Variants in SPI1 observed in about 807,000 individuals in gnomAD.
SPI1 encodes the protein Spi-1 proto-oncogene.
Under a neutral mutation model 30.7 loss-of-function variants are expected in SPI1, and 3 were observed. The ratio of observed to expected loss-of-function variants is 0.10; its 90% confidence interval spans 0.04 to 0.25. The LOEUF (loss-of-function observed/expected upper bound fraction) is 0.25. Among genes scored for constraint, SPI1 ranks in the 10% least tolerant of loss-of-function variants. The pLI, the probability that SPI1 is intolerant of heterozygous loss-of-function variation, is 1.00. For synonymous variants in SPI1, 169 were observed against 157.1 expected (o/e 1.08, Z -0.56); for missense variants, 261 against 371.5 (o/e 0.70, Z 2.45).
chr11:47,369,441 C>G (rs890869169), intron 2 of SPI1, among the ~76,000 whole-genome samples: 2 of 151,544 alleles, frequency 1.3e-5, no homozygotes, highest in Non-Finnish European at 2.9e-5. Flanking sequence ...CTATTCTTGC[C>G]TCTTTTCCAT....
At chr11:47,371,499 T>A (rs560295127) in intron 2 of SPI1, among the ~76,000 whole-genome samples, 1 of 143,906 alleles carries the variant, frequency 6.9e-6, no homozygotes, top group Admixed American at 7.0e-5. Flanking sequence ...AAACCCCATC[T>A]CTACTAAAAA....
Position 47,375,609 on chromosome 11 carries a change from G to A in SPI1, c.142+24C>T, listed in dbSNP as rs149244266. On this transcript the variant is annotated intron_variant, in intron 2 of 4. Transcript: ENST00000378538. This position sits in a 1 kb window ranked among gnomAD's most constrained non-coding sequence, Gnocchi z 4.2. ...GAGCCCAGGCTGGGCTGGGGGATGG[G>A]GGCGTGGCAGGCCCCGTACTCACCG... The A allele has an allele frequency of 1.8e-3, 2,810 of 1,578,854 alleles. 2 individuals carry two copies. Among genetic ancestry groups the A allele is most frequent in the Middle Eastern group, 4.2e-3 (25 of 6,000 alleles).
intron 2 of SPI1, among the ~76,000 whole-genome samples, chr11:47,363,296 G>A (rs966241899): frequency 1.3e-5 from 2 of 152,128 alleles, no homozygotes; most frequent in Non-Finnish European, 2.9e-5. Context: ...CAAGGCGAGC[G>A]AATCACCTGA....
chr11:47,358,891 T>G lies in SPI1; in HGVS notation c.446A>C (p.Glu149Ala). 6.4e-7 allele frequency: 1 copy of G among 1,559,628 alleles called. No individual in the cohort carries two copies. Among genetic ancestry groups the G allele is most frequent in the Non-Finnish European group, 8.7e-7 (1 of 1,151,556 alleles). Residue 149 changes from glutamate (E) to alanine (A), a missense_variant, in exon 4 of 5, where the codon GAG (glutamate) becomes GCG (alanine). Coordinates refer to ENST00000378538, the MANE Select transcript of SPI1 (RefSeq NM_003120.3). ...QSPPLEVSDG[E>A]ADGLEPGPGL... is the part of the protein sequence containing the mutation. ...AGGCCCGGGCTCCAGGCCATCCGCC[T>G]CGCCGTCAGACACCTCCAGTGGGGG...
chr11:47,375,206 G>A lies in SPI1; in HGVS notation c.142+427C>T, dbSNP rs1256774693. The stretch of plus-strand genomic sequence containing the variant: ...CAGGAAGTGCGGATGTGCCGGCGGG[G>A]AGTTTGGGACAGAGAGTGACGAGAA... On this transcript the variant is annotated intron_variant, in intron 2 of 4. Transcript: ENST00000378538. This position sits in a 1 kb window ranked among gnomAD's most constrained non-coding sequence, Gnocchi z 4.2. Among the ~76,000 whole-genome samples, 3 of 152,234 alleles carry A rather than the reference G, an allele frequency of 2.0e-5. No homozygotes were observed. Among genetic ancestry groups the A allele is most frequent in the Non-Finnish European group, 4.4e-5 (3 of 68,046 alleles).
In SPI1 at chr11:47,355,134, C is replaced by T. The variant is rs1485210009; in HGVS notation, c.*93G>A. 3 of 1,054,012 alleles carry T rather than the reference C, an allele frequency of 2.8e-6. No homozygotes were observed. Among genetic ancestry groups the T allele is most frequent in the Admixed American group, 4.5e-5 (1 of 22,434 alleles). 65.3% of individuals were successfully genotyped at this position (1,054,012 alleles called of 1,614,324 possible). A position where few individuals can be genotyped will look rare whatever the true frequency, so the allele number is the denominator to read the frequency against. On this transcript the variant is annotated 3_prime_UTR_variant, in exon 5 of 5. Transcript: ENST00000378538. ...GGCCCGCCACAGTCCTGCCTCTGGG[C>T]CCCGGGAGCGTCCTCCCTGTGTCCG... is the stretch of plus-strand genomic sequence containing the variant.
intron 2 of SPI1, among the ~76,000 whole-genome samples, chr11:47,363,276 T>A (rs956503179): frequency 1.9e-4 from 29 of 152,188 alleles, no homozygotes; most frequent in Admixed American, 1.6e-3. Flanking sequence ...ATCCCAGCAC[T>A]TTGGGAGGCC....
rs1436388591 is a variant in SPI1 at position 47,355,251 on chromosome 11, G to A, written c.789C>T (p.Ala263=). 2.7e-6 allele frequency: 4 copies of A among 1,462,164 alleles called. No individual in the cohort carries two copies. The highest frequency in any genetic ancestry group is 2.9e-5 in the African/African-American group (2 of 68,808). 90.6% of individuals were successfully genotyped at this position (1,462,164 alleles called of 1,614,324 possible). A position where few individuals can be genotyped will look rare whatever the true frequency, so the allele number is the denominator to read the frequency against. Residue 263 remains alanine (A), a synonymous_variant, in exon 5 of 5, where the codon GCC becomes GCT. Transcript: ENST00000378538. ...CTCAGTGGGGCGGGTGGCGCCGCTCGGCCAGGCCCCCGCGGCCCAGCACTT... is the reference window on the plus strand; with the variant it reads ...CTCAGTGGGGCGGGTGGCGCCGCTCAGCCAGGCCCCCGCGGCCCAGCACTT... ...SGEVLGRGGL[A]ERRHPPH
Position 47,378,360 on chromosome 11 carries a change from G to A in SPI1, c.-7C>T, listed in dbSNP as rs1252185688. 3.7e-6 allele frequency: 6 copies of A among 1,612,292 alleles called. No homozygotes were observed. The South Asian group carries it at 4.4e-5, about 12-fold the overall frequency. On this transcript the variant is annotated 5_prime_UTR_variant, in exon 1 of 5. Coordinates refer to ENST00000378538, the MANE Select transcript of SPI1 (RefSeq NM_003120.3). ...TTTTGCACGCCTGTAACATCCAGCC[G>A]GGCTCCGAGTCGGTCAGATCCCCTG...
Position 47,359,769 on chromosome 11 carries a change from C to T in SPI1, c.330+84G>A, listed in dbSNP as rs889863613. ...GGCAGGAAGCTGAGTTGGGTAAGAG[C>T]CTGTGTCAGCTTCCTGTGAAGCTCC... On this transcript the variant is annotated intron_variant, in intron 3 of 4. Coordinates refer to ENST00000378538, the MANE Select transcript of SPI1 (RefSeq NM_003120.3). This position sits in a 1 kb window ranked among gnomAD's most constrained non-coding sequence, Gnocchi z 5.1. 12 of 1,479,014 alleles carry T rather than the reference C, an allele frequency of 8.1e-6. No individual in the cohort carries two copies. In the African/African-American group the frequency reaches 1.7e-4, roughly 20 times the overall value. 91.6% of individuals were successfully genotyped at this position (1,479,014 alleles called of 1,614,324 possible). A position where few individuals can be genotyped will look rare whatever the true frequency, so the allele number is the denominator to read the frequency against.
At chr11:47,362,570 CTTTTTT>C (rs377422572) in intron 2 of SPI1, among the ~76,000 whole-genome samples, 12,604 of 107,990 alleles carry the variant, frequency 0.12, 680 homozygotes, top group Non-Finnish European at 0.14. Context: ...GACCCTGTCT[CTTTTTT>C]TTTTTTTTTT....
chr11:47,356,230 T>C (rs2095908910), intron 4 of SPI1, among the ~76,000 whole-genome samples: 1 of 144,760 alleles, frequency 6.9e-6, no homozygotes, highest in Non-Finnish European at 1.5e-5. Flanking sequence ...CACACACTCA[T>C]TCACTAACAT....
At chr11:47,368,616 A>G (rs1023637761) in intron 2 of SPI1, among the ~76,000 whole-genome samples, 1 of 152,256 alleles carries the variant, frequency 6.6e-6, no homozygotes, top group African/African-American at 2.4e-5. Context: ...CACGTGCTAC[A>G]CCATGGGTAA....
chr11:47,358,730 C>G, intron 4 of SPI1, 114 bp downstream of exon 4: 1 of 1,064,834 alleles, frequency 9.4e-7, no homozygotes. Context: ...AACATGCACA[C>G]ACACACACAC....
intron 1 of SPI1, among the ~76,000 whole-genome samples, chr11:47,376,792 G>A (rs577542571): frequency 8.5e-4 from 129 of 152,276 alleles, no homozygotes; most frequent in African/African-American, 2.8e-3. Context: ...AGTCACTGTG[G>A]CCCTTAGGGC....
In SPI1 at chr11:47,358,058, T is replaced by A. The variant is rs576312136; in HGVS notation, c.493+786A>T. 393 of 167,918 alleles carry A rather than the reference T, an allele frequency of 2.3e-3. 3 individuals carry two copies. The highest frequency in any genetic ancestry group is 5.0e-3 in the Admixed American group (87 of 17,524). 10.4% of individuals were successfully genotyped at this position (167,918 alleles called of 1,614,324 possible). ...TAAAACACATATCCACTCACATACA[T>A]GCACAGACCTGCTCACATATACACA... On this transcript the variant is annotated intron_variant, in intron 4 of 4. Coordinates refer to ENST00000378538, the MANE Select transcript of SPI1 (RefSeq NM_003120.3).
chr11:47,375,030 T>C lies in SPI1; in HGVS notation c.142+603A>G, dbSNP rs2095940509. On this transcript the variant is annotated intron_variant, in intron 2 of 4. Transcript: ENST00000378538. This position sits in a 1 kb window ranked among gnomAD's most constrained non-coding sequence, Gnocchi z 4.2. ...TGCCAATGGGTGGAGACATTTTTGG[T>C]TGTCATGATTGGCCATGGCCCTGGC... 6.6e-6 allele frequency among the ~76,000 whole-genome samples: 1 copy of C among 152,192 alleles called. No homozygotes were observed. Among genetic ancestry groups the C allele is most frequent in the African/African-American group, 2.4e-5 (1 of 41,446 alleles).
chr11:47,367,577 G>A (rs1473248444), intron 2 of SPI1, among the ~76,000 whole-genome samples: 2 of 143,150 alleles, frequency 1.4e-5, no homozygotes, highest in Non-Finnish European at 3.0e-5. Context: ...AAATCCTATC[G>A]TAAATAGCAA....
chr11:47,371,907 G>A (rs558569963), intron 2 of SPI1, among the ~76,000 whole-genome samples: 5 of 152,154 alleles, frequency 3.3e-5, no homozygotes, highest in African/African-American at 9.6e-5. Context: ...TCCTCTGTCA[G>A]GGTCCTTTCT....
Sources: gnomAD v4.1 joint callset for allele counts (sites outside exome capture counted in the v4.1 genomes callset) on GRCh38, gnomAD v4.1.1 for gene constraint, Gnocchi (gnomAD v3.1) non-coding constraint, MANE v1.5 for transcripts, NCBI Gene and HGNC (gene_info 2026-07-23, HGNC 2026-07-21) for gene names.